GRID1: variants seen among roughly 807,000 people sequenced by gnomAD.
GRID1 encodes glutamate receptor ionotropic, delta-1.
A neutral mutation model predicts 98.0 loss-of-function variants in GRID1; 28 were observed. That is an observed-to-expected ratio of 0.29 (90% CI 0.21 to 0.39). The LOEUF is 0.39. Among genes scored for constraint, GRID1 ranks in the 10% least tolerant of loss-of-function variants. The probability of loss-of-function intolerance (pLI) is 1.00; values close to 1 mark genes in which losing one functional copy is unlikely to be tolerated. For synonymous variants in GRID1, 553 were observed against 538.5 expected (o/e 1.03, Z -0.37); for missense variants, 1,111 against 1,340.5 (o/e 0.83, Z 2.67).
rs146289933 is a variant in GRID1 at position 85,914,835 on chromosome 10, G to C, written c.780+1351C>G. Among the ~76,000 whole-genome samples the C allele has an allele frequency of 1.9e-4, 29 of 152,288 alleles. No homozygotes were observed. In the East Asian group the frequency reaches 5.6e-3, roughly 29 times the overall value. The stretch of plus-strand genomic sequence containing the variant: ...ATCAGTAATTTAGGAGCAGCTGAAG[G>C]CCATAGCCATGATGAAAGCTTGCAC... On this transcript the variant is annotated intron_variant, in intron 5 of 15. Coordinates refer to ENST00000327946, the MANE Select transcript of GRID1 (RefSeq NM_017551.3).
At chr10:86,332,834 A>C (rs1039042239) in intron 2 of GRID1, among the ~76,000 whole-genome samples, 8 of 151,798 alleles carry the variant, frequency 5.3e-5, no homozygotes, top group Non-Finnish European at 1.2e-4. Context: ...CGTGACCTTC[A>C]CCCTGATCTT....
intron 4 of GRID1, among the ~76,000 whole-genome samples, chr10:86,021,320 C>T (rs1843045910): frequency 6.6e-6 from 1 of 152,126 alleles, no homozygotes; most frequent in Admixed American, 6.5e-5. Context: ...TATTATAATA[C>T]TATAATGTGC....
intron 4 of GRID1, among the ~76,000 whole-genome samples, chr10:86,013,402 A>G (rs1842943061): frequency 6.6e-6 from 1 of 152,252 alleles, no homozygotes; most frequent in Admixed American, 6.5e-5. Context: ...GTTGGCAGAT[A>G]CAAAAAGTAA....
rs184914178 is a variant in GRID1, at chr10:85,701,041, T to A, written c.1997+21962A>T. On this transcript the variant is annotated intron_variant, in intron 12 of 15. Coordinates refer to ENST00000327946, the MANE Select transcript of GRID1 (RefSeq NM_017551.3). ...TACTCTTTTCAGATACCTACTGAAA[T>A]GAACAGGCCATTTTTTAAAATCTGG... 1.8e-3 allele frequency among the ~76,000 whole-genome samples: 278 copies of A among 152,258 alleles called. 1 individual carries two copies. The highest frequency in any genetic ancestry group is 0.014 in the Middle Eastern group (4 of 294).
chr10:86,049,375 T>C (rs908557626), intron 4 of GRID1, among the ~76,000 whole-genome samples: 12 of 152,230 alleles, frequency 7.9e-5, no homozygotes, highest in Non-Finnish European at 1.5e-4. Flanking sequence ...TCCAGCAGTG[T>C]AGATATTTTT....
At chr10:85,889,417 G>T (rs759262684) in intron 5 of GRID1, among the ~76,000 whole-genome samples, 1 of 152,000 alleles carries the variant, frequency 6.6e-6, no homozygotes, top group Non-Finnish European at 1.5e-5. Context: ...GATTCCACTT[G>T]AGTGAGATTA....
At position 85,620,918 on chromosome 10, in the gene GRID1, G is replaced by C. The variant is rs989841425; in HGVS notation, c.2194-885C>G. Among the ~76,000 whole-genome samples the C allele has an allele frequency of 1.9e-4, 29 of 152,168 alleles. 1 individual carries two copies. The highest frequency in any genetic ancestry group is 6.5e-5 in the Admixed American group (1 of 15,276). On this transcript the variant is annotated intron_variant, in intron 13 of 15. Transcript: ENST00000327946. ...TATGCACACACAGGTGCAGGTTTCT[G>C]GTGTCACTATCTCCACATCAGTGCA...
intron 3 of GRID1, among the ~76,000 whole-genome samples, chr10:86,158,330 G>A (rs1845274080): frequency 6.6e-6 from 1 of 152,186 alleles, no homozygotes. Flanking sequence ...TCCATTACAG[G>A]GCTATTGTGA....
At chr10:85,889,497 T>C (rs930831933) in intron 5 of GRID1, among the ~76,000 whole-genome samples, 3 of 152,208 alleles carry the variant, frequency 2.0e-5, no homozygotes, top group Non-Finnish European at 2.9e-5. Flanking sequence ...ATAAATATTG[T>C]CTCAAATGAC....
intron 8 of GRID1, among the ~76,000 whole-genome samples, chr10:85,785,849 C>CAG (rs1842423546): frequency 6.6e-6 from 1 of 151,896 alleles, no homozygotes; most frequent in Non-Finnish European, 1.5e-5. Context: ...GCAACAGCAG[C>CAG]CCAAAGTGCA....
chr10:85,962,655 C>CA (rs1405745252), intron 4 of GRID1, among the ~76,000 whole-genome samples: 1 of 152,174 alleles, frequency 6.6e-6, no homozygotes, highest in Non-Finnish European at 1.5e-5. Flanking sequence ...ATCAAGGTGC[C>CA]ACCCTTGCCC....
chr10:85,698,738 C>G (rs1185983934), intron 12 of GRID1, among the ~76,000 whole-genome samples: 1 of 152,140 alleles, frequency 6.6e-6, no homozygotes, highest in East Asian at 1.9e-4. Context: ...TAAGAAACTG[C>G]GAACTGTCTG....
At chr10:86,108,004 C>T (rs1844418568) in intron 4 of GRID1, among the ~76,000 whole-genome samples, 1 of 152,250 alleles carries the variant, frequency 6.6e-6, no homozygotes, top group African/African-American at 2.4e-5. Context: ...ACAGAGAGCC[C>T]TTTGTCCGTG....
At chr10:85,945,174 C>T (rs1237076712) in intron 4 of GRID1, among the ~76,000 whole-genome samples, 1 of 152,026 alleles carries the variant, frequency 6.6e-6, no homozygotes, top group Non-Finnish European at 1.5e-5. Flanking sequence ...ACATGAATTA[C>T]TATAGATTAT....
At chr10:85,659,413 G>A (rs531595237) in intron 12 of GRID1, among the ~76,000 whole-genome samples, 1 of 152,316 alleles carries the variant, frequency 6.6e-6, no homozygotes, top group East Asian at 1.9e-4. Context: ...GGACTCATGT[G>A]GCTGAGAACC....
At chr10:85,901,450 G>T (rs558843801) in intron 5 of GRID1, among the ~76,000 whole-genome samples, 135 of 152,036 alleles carry the variant, frequency 8.9e-4, no homozygotes, top group African/African-American at 3.0e-3. Flanking sequence ...GGGTTTCACC[G>T]TGTTAGCCAG....
intron 4 of GRID1, among the ~76,000 whole-genome samples, chr10:85,992,972 G>C (rs1236455846): frequency 1.3e-5 from 2 of 152,064 alleles, no homozygotes; most frequent in African/African-American, 4.8e-5. Context: ...AACAATTTTA[G>C]AAGTTTTTAA....
intron 2 of GRID1, among the ~76,000 whole-genome samples, chr10:86,245,218 G>A (rs1015195389): frequency 6.6e-6 from 1 of 152,210 alleles, no homozygotes; most frequent in African/African-American, 2.4e-5. Context: ...TAAGCCAGGG[G>A]AGGGAAGAGG....
At chr10:86,086,806 G>A (rs1418371058) in intron 4 of GRID1, among the ~76,000 whole-genome samples, 1 of 152,152 alleles carries the variant, frequency 6.6e-6, no homozygotes, top group Non-Finnish European at 1.5e-5. Flanking sequence ...AGTGCCCCCA[G>A]GCTCCTGAAC....
Sources: gnomAD v4.1 joint callset for allele counts (sites outside exome capture counted in the v4.1 genomes callset) on GRCh38, gnomAD v4.1.1 for gene constraint, MANE v1.5 for transcripts, NCBI Gene and HGNC (gene_info 2026-07-23, HGNC 2026-07-21) for gene names.